GRM5: variants seen among roughly 807,000 people sequenced by gnomAD.
GRM5 encodes the protein glutamate metabotropic receptor 5, also known as metabotropic glutamate receptor 5.
In GRM5, 19 loss-of-function variants were observed where a neutral mutation model predicts 83.1. The observed-to-expected ratio is 0.23, with a 90% confidence interval of 0.16 to 0.34. The LOEUF (loss-of-function observed/expected upper bound fraction) is 0.34. GRM5 is among the 10% of genes least tolerant of loss of function. The pLI, the probability that GRM5 is intolerant of heterozygous loss-of-function variation, is 1.00. For missense variants in GRM5, 1,160 were observed against 1,588.3 expected (o/e 0.73, Z 4.58); for synonymous variants, 675 against 633.6 (o/e 1.07, Z -0.98).
At chr11:88,882,623 T>A (rs1358134495) in intron 2 of GRM5, among the ~76,000 whole-genome samples, 7 of 151,960 alleles carry the variant, frequency 4.6e-5, no homozygotes. Flanking sequence ...TGTAAAATTG[T>A]GTGGAGACTA....
chr11:88,533,103 A>G (rs941004128), intron 8 of GRM5, among the ~76,000 whole-genome samples: 5 of 152,206 alleles, frequency 3.3e-5, no homozygotes, highest in African/African-American at 1.2e-4. Context: ...TTTTCATATC[A>G]TTCATCTGCT....
intron 2 of GRM5, among the ~76,000 whole-genome samples, chr11:88,918,341 T>A (rs1224579741): frequency 6.6e-6 from 1 of 151,866 alleles, no homozygotes; most frequent in Non-Finnish European, 1.5e-5. Flanking sequence ...AGATGACAAG[T>A]TAGTGGGTGC....
chr11:88,924,826 A>C (rs571450695), intron 2 of GRM5, among the ~76,000 whole-genome samples: 10 of 152,128 alleles, frequency 6.6e-5, no homozygotes, highest in African/African-American at 2.2e-4. Flanking sequence ...AGGAACTCTC[A>C]CCACACATAA....
intron 2 of GRM5, among the ~76,000 whole-genome samples, chr11:88,850,955 CAAT>C (rs1944379701): frequency 6.6e-6 from 1 of 152,050 alleles, no homozygotes; most frequent in South Asian, 2.1e-4. Flanking sequence ...TTAGCACTCA[CAAT>C]AAAATATTGA....
intron 2 of GRM5, among the ~76,000 whole-genome samples, chr11:88,895,839 T>C (rs1322492338): frequency 6.6e-6 from 1 of 151,988 alleles, no homozygotes; most frequent in Admixed American, 6.6e-5. Flanking sequence ...ATTCAACAAA[T>C]GTTTATTGCA....
intron 2 of GRM5, among the ~76,000 whole-genome samples, chr11:88,913,606 A>C (rs1307926162): frequency 7.9e-5 from 5 of 63,436 alleles, no homozygotes; most frequent in African/African-American, 3.3e-4. Flanking sequence ...TTTTTTTTTT[A>C]GGTGGAGTCG....
intron 3 of GRM5, among the ~76,000 whole-genome samples, chr11:88,659,328 A>G (rs7478762): frequency 0.85 from 129,759 of 152,134 alleles, 57,202 homozygotes; most frequent in Non-Finnish European, 0.98. Flanking sequence ...GATCTCTCAC[A>G]TTTCTTTTTC....
rs532413423 is a variant in GRM5 at position 88,968,280 on chromosome 11, G to C, written c.661+78932C>G. 5.6e-3 allele frequency among the ~76,000 whole-genome samples: 860 copies of C among 152,222 alleles called. 5 individuals are homozygous for C. The highest frequency in any genetic ancestry group is 9.2e-3 in the Non-Finnish European group (625 of 68,008). On this transcript the variant is annotated intron_variant, in intron 2 of 9. Transcript: ENST00000305447. Reference sequence around the variant, plus strand: ...TTACAAAAGAGAGAAGGCTTAAACAGGCAGGAATATATTGTATAATTTCAT... The same window carrying C: ...TTACAAAAGAGAGAAGGCTTAAACACGCAGGAATATATTGTATAATTTCAT...
At chr11:88,720,937 T>G (rs959831644) in intron 3 of GRM5, among the ~76,000 whole-genome samples, 2 of 151,920 alleles carry the variant, frequency 1.3e-5, no homozygotes, top group Non-Finnish European at 2.9e-5. Flanking sequence ...ATGTGTTTTT[T>G]CATAATTTAA....
intron 3 of GRM5, among the ~76,000 whole-genome samples, chr11:88,655,671 G>GTTT (rs34122425): frequency 9.6e-5 from 13 of 135,018 alleles, no homozygotes; most frequent in East Asian, 4.4e-4. Flanking sequence ...TACTTTCTCT[G>GTTT]TTTTTTTTTT....
chr11:88,951,601 T>C lies in GRM5; in HGVS notation c.661+95611A>G, dbSNP rs1247364846. Among the ~76,000 whole-genome samples, 3 of 152,212 alleles carry C rather than the reference T, an allele frequency of 2.0e-5. No individual in the cohort carries two copies. The East Asian group carries it at 5.8e-4, about 29-fold the overall frequency. On this transcript the variant is annotated intron_variant, in intron 2 of 9. Coordinates refer to ENST00000305447, the MANE Select transcript of GRM5 (RefSeq NM_001143831.3). ...AGAGCATAGTATGGTAGACACAGTGTGAGTTTTCGTTCAGAGAAATATTGT... is the reference window on the plus strand; with the variant it reads ...AGAGCATAGTATGGTAGACACAGTGCGAGTTTTCGTTCAGAGAAATATTGT...
chr11:88,598,883 T>A (rs1937895467), intron 5 of GRM5, among the ~76,000 whole-genome samples: 1 of 152,232 alleles, frequency 6.6e-6, no homozygotes, highest in Non-Finnish European at 1.5e-5. Flanking sequence ...TAGCAATTCT[T>A]AAGTCTGAAA....
Position 89,065,823 on chromosome 11 carries a change from G to T in GRM5, c.-248C>A, listed in dbSNP as rs1242730442. The T allele has an allele frequency of 2.0e-5, 3 of 152,274 alleles. No individual in the cohort carries two copies. Among genetic ancestry groups the T allele is most frequent in the Non-Finnish European group, 2.9e-5 (2 of 68,082 alleles). 9.4% of individuals were successfully genotyped at this position (152,274 alleles called of 1,614,324 possible). On this transcript the variant is annotated 5_prime_UTR_variant, in exon 1 of 10. Coordinates refer to ENST00000305447, the MANE Select transcript of GRM5 (RefSeq NM_001143831.3). ...CGCCCCCAGGCAGCCGCTCCTCGAG[G>T]GCTTCCTGCGCTCTCGTAGCGGCCT...
At position 88,508,507 on chromosome 11, in the gene GRM5, C is replaced by T; in HGVS notation, c.*85G>A. On this transcript the variant is annotated 3_prime_UTR_variant, in exon 10 of 10. Coordinates refer to ENST00000305447, the MANE Select transcript of GRM5 (RefSeq NM_001143831.3). This position sits in a 1 kb window ranked among gnomAD's most constrained non-coding sequence, Gnocchi z 4.2. ...TGGCATCTTCCCCCTGGGCCGTAAC[C>T]AGGCGACTATGCTTGCCATTGTGTG... 1 of 1,131,862 alleles carries T rather than the reference C, an allele frequency of 8.8e-7. No individual in the cohort carries two copies. The highest frequency in any genetic ancestry group is 1.4e-5 in the South Asian group (1 of 70,176). 70.1% of individuals were successfully genotyped at this position (1,131,862 alleles called of 1,614,324 possible). A position where few individuals can be genotyped will look rare whatever the true frequency, so the allele number is the denominator to read the frequency against.
chr11:88,943,962 G>C (rs558173371), intron 2 of GRM5, among the ~76,000 whole-genome samples: 1 of 151,900 alleles, frequency 6.6e-6, no homozygotes, highest in Non-Finnish European at 1.5e-5. Context: ...GCCTTACCTC[G>C]AGAAGTTGTA....
rs1193548941 is a variant in GRM5 at position 88,851,452 on chromosome 11, A to C, written c.662-1297T>G. Among the ~76,000 whole-genome samples the C allele has an allele frequency of 7.9e-5, 12 of 152,174 alleles. 1 individual carries two copies. In the East Asian group the frequency reaches 2.3e-3, roughly 29 times the overall value. On this transcript the variant is annotated intron_variant, in intron 2 of 9. Coordinates refer to ENST00000305447, the MANE Select transcript of GRM5 (RefSeq NM_001143831.3). ...CATTCAGTTGCATAGGGTTCACTAC[A>C]TGTCTATAACTGCAATAAATACAAC...
In GRM5 at chr11:89,048,083, A is replaced by C. The variant is rs1941681739; in HGVS notation, c.-200-11T>G. The stretch of plus-strand genomic sequence containing the variant: ...CATGATCTTCTAAACCTGAAAAAAA[A>C]AAAATAACATGGGTCTTTAACAAAC... On this transcript the variant is annotated splice_polypyrimidine_tract_variant and intron_variant, in intron 1 of 9. Transcript: ENST00000305447. The C allele has an allele frequency of 1.9e-6, 1 of 535,790 alleles. No individual in the cohort carries two copies. The highest frequency in any genetic ancestry group is 3.4e-5 in the Admixed American group (1 of 29,676). 33.2% of individuals were successfully genotyped at this position (535,790 alleles called of 1,614,324 possible).
At chr11:88,829,270 G>T (rs999402691) in intron 3 of GRM5, among the ~76,000 whole-genome samples, 1 of 152,180 alleles carries the variant, frequency 6.6e-6, no homozygotes, top group Admixed American at 6.5e-5. Context: ...AGACCAGCCT[G>T]GCCAATGTGG....
chr11:88,854,981 A>T (rs967803787), intron 2 of GRM5, among the ~76,000 whole-genome samples: 1 of 151,880 alleles, frequency 6.6e-6, no homozygotes, highest in African/African-American at 2.4e-5. Flanking sequence ...GATAAAGATA[A>T]TAAAGTATAA....
Sources: allele counts gnomAD v4.1 joint callset (sites outside exome capture counted in the v4.1 genomes callset), GRCh38; gene constraint gnomAD v4.1.1; non-coding constraint Gnocchi (gnomAD v3.1); transcripts MANE v1.5; gene names NCBI Gene and HGNC (gene_info 2026-07-23, HGNC 2026-07-21).